The following NXN variants were observed in gnomAD, a reference collection of about 807,000 sequenced individuals.
NXN encodes the protein nucleoredoxin.
NXN carries 16 observed loss-of-function variants against 48.6 expected under a neutral mutation model. That is an observed-to-expected ratio of 0.33 (90% CI 0.22 to 0.50). The LOEUF is 0.50. NXN is among the 20% of genes least tolerant of loss of function. NXN has a pLI of 0.98. For missense variants in NXN, 492 were observed against 605.5 expected, an observed-to-expected ratio of 0.81 and a Z score of 1.97; for synonymous variants, 281 against 269.6, an observed-to-expected ratio of 1.04 and a Z score of -0.41.
intron 1 of NXN, among the ~76,000 whole-genome samples, chr17:889,954 C>G (rs973798535): frequency 3.9e-5 from 6 of 152,136 alleles, no homozygotes; most frequent in African/African-American, 1.4e-4. Flanking sequence ...TACCCCCACT[C>G]ACAAAGAGCA....
chr17:824,548 C>G lies in NXN; in HGVS notation c.479-783G>C, dbSNP rs149000845. ...GATTCACATCCCGGCCGTCACATCCCAGCGGCTGTCAGCTCTGACTGTACT... is the reference window on the plus strand; with the variant it reads ...GATTCACATCCCGGCCGTCACATCCGAGCGGCTGTCAGCTCTGACTGTACT... On this transcript the variant is annotated intron_variant, in intron 2 of 7. Coordinates refer to ENST00000336868, the MANE Select transcript of NXN (RefSeq NM_022463.5). Among the ~76,000 whole-genome samples the G allele has an allele frequency of 4.7e-4, 72 of 152,340 alleles. No individual in the cohort carries two copies. The East Asian group carries it at 0.013, about 28-fold the overall frequency.
intron 6 of NXN, chr17:804,008 C>T: frequency 3.2e-6 from 2 of 630,892 alleles, no homozygotes; most frequent in Non-Finnish European, 5.5e-6. Context: ...GCAAAGCTCA[C>T]AGTGCTCTCC....
intron 4 of NXN, among the ~76,000 whole-genome samples, chr17:821,908 C>T (rs1271662554): frequency 3.3e-5 from 5 of 151,814 alleles, no homozygotes; most frequent in African/African-American, 7.3e-5. Context: ...TAATCTCAAA[C>T]AATCCAGGCC....
chr17:854,465 G>A lies in NXN; in HGVS notation c.361-28387C>T, dbSNP rs533327289. ...AGACTGAGACCATCCTGGCTAACAC[G>A]GTGAAACCCTGTCTCTACTAAAAAA... On this transcript the variant is annotated intron_variant, in intron 1 of 7. Transcript: ENST00000336868. Among the ~76,000 whole-genome samples, 1,112 of 149,026 alleles carry A rather than the reference G, an allele frequency of 7.5e-3. 3 individuals are homozygous for A. The highest frequency in any genetic ancestry group is 0.013 in the Non-Finnish European group (844 of 67,408).
intron 1 of NXN, among the ~76,000 whole-genome samples, chr17:886,328 T>C (rs1391391789): frequency 5.9e-5 from 9 of 152,140 alleles, no homozygotes; most frequent in Admixed American, 5.9e-4. Context: ...GAAGGTTCTC[T>C]AACATCCAAG....
chr17:811,233 G>A (rs1037568825), intron 5 of NXN, among the ~76,000 whole-genome samples: 3 of 152,180 alleles, frequency 2.0e-5, no homozygotes, highest in African/African-American at 4.8e-5. Context: ...AGCTGCTTCC[G>A]CATCTGCTCC....
chr17:972,370 G>A (rs1408892921), intron 1 of NXN, among the ~76,000 whole-genome samples: 1 of 152,114 alleles, frequency 6.6e-6, no homozygotes, highest in Non-Finnish European at 1.5e-5. Context: ...CCAGCTACTC[G>A]GGAGGCTGAG....
At chr17:971,569 G>A (rs1333140379) in intron 1 of NXN, among the ~76,000 whole-genome samples, 1 of 151,718 alleles carries the variant, frequency 6.6e-6, no homozygotes, top group Non-Finnish European at 1.5e-5. Flanking sequence ...AATTAGCCGG[G>A]CGTGAGGGCG....
At chr17:857,155 G>A (rs2067994449) in intron 1 of NXN, among the ~76,000 whole-genome samples, 1 of 152,206 alleles carries the variant, frequency 6.6e-6, no homozygotes, top group African/African-American at 2.4e-5. Context: ...CGAAAGTCAG[G>A]GCACCAGTGG....
At chr17:930,636 G>C (rs1249963566) in intron 1 of NXN, among the ~76,000 whole-genome samples, 1 of 152,110 alleles carries the variant, frequency 6.6e-6, no homozygotes, top group Non-Finnish European at 1.5e-5. Context: ...TGATGGGCAG[G>C]ATAGAAAGAC....
chr17:881,153 A>G (rs2068279439), intron 1 of NXN, among the ~76,000 whole-genome samples: 1 of 152,344 alleles, frequency 6.6e-6, no homozygotes, highest in African/African-American at 2.4e-5. Flanking sequence ...ACTGACTAGA[A>G]TAGCAAAAGT....
At chr17:861,376 C>T (rs749668319) in intron 1 of NXN, among the ~76,000 whole-genome samples, 5 of 152,066 alleles carry the variant, frequency 3.3e-5, no homozygotes, top group African/African-American at 4.8e-5. Context: ...TCAGGTGATC[C>T]GCCCACCTCG....
At chr17:908,947 A>G (rs1049815877) in intron 1 of NXN, among the ~76,000 whole-genome samples, 3 of 152,096 alleles carry the variant, frequency 2.0e-5, no homozygotes, top group African/African-American at 7.2e-5. Context: ...TACTAAAACT[A>G]CAAAACAAAT....
intron 7 of NXN, 119 bp from the exon 8 acceptor site, chr17:801,250 C>T: frequency 3.0e-6 from 2 of 660,350 alleles, no homozygotes; most frequent in Non-Finnish European, 4.4e-6. Context: ...CGGCGTTTCC[C>T]AAGCAGAGGG....
intron 1 of NXN, among the ~76,000 whole-genome samples, chr17:979,027 G>A (rs1273929856): frequency 6.7e-6 from 1 of 148,668 alleles, no homozygotes; most frequent in Non-Finnish European, 1.5e-5. Context: ...GGCCGAGGGG[G>A]GTCCAACTTT....
chr17:957,091 G>C (rs144897818), intron 1 of NXN, among the ~76,000 whole-genome samples: 1 of 152,172 alleles, frequency 6.6e-6, no homozygotes, highest in Non-Finnish European at 1.5e-5. Context: ...CCAGTGAGAT[G>C]CTCAGAAAAC....
intron 1 of NXN, among the ~76,000 whole-genome samples, chr17:841,558 TCCCCCCTGACCACGGAGCATCTCAC>T: frequency 1.0e-5 from 1 of 97,836 alleles, no homozygotes; most frequent in Non-Finnish European, 1.9e-5. Context: ...GGCGAGCAGG[TCCCCCCTGACCACGGAGCATCTCAC>T]GCCGGCGAGC....
intron 1 of NXN, among the ~76,000 whole-genome samples, chr17:853,459 A>C (rs1219640773): frequency 6.6e-6 from 1 of 151,774 alleles, no homozygotes; most frequent in Non-Finnish European, 1.5e-5. Context: ...AAGAAAAAAG[A>C]AAGCTCTCAG....
chr17:973,058 A>C (rs2069409980), intron 1 of NXN, among the ~76,000 whole-genome samples: 1 of 152,034 alleles, frequency 6.6e-6, no homozygotes, highest in Non-Finnish European at 1.5e-5. Context: ...GGTAGAATCA[A>C]ATCAGTGACC....
Sources: allele counts gnomAD v4.1 joint callset (sites outside exome capture counted in the v4.1 genomes callset), GRCh38; gene constraint gnomAD v4.1.1; transcripts MANE v1.5; gene names NCBI Gene and HGNC (gene_info 2026-07-23, HGNC 2026-07-21).